The following ASB10 variants were observed in gnomAD, a reference collection of about 807,000 sequenced individuals.
ASB10 encodes the protein ankyrin repeat and SOCS box containing 10, also known as ankyrin repeat and SOCS box protein 10.
ASB10 carries 44 observed loss-of-function variants against 35.4 expected under a neutral mutation model. The ratio of observed to expected loss-of-function variants is 1.24; its 90% CI spans 0.98 to 1.60. The LOEUF is 1.60. ASB10 is among the 40% of genes most tolerant of loss of function. The probability of loss-of-function intolerance (pLI) is 0.00; values close to 1 mark genes in which losing one functional copy is unlikely to be tolerated. For missense variants in ASB10, 647 were observed against 634.3 expected (o/e 1.02, Z -0.22); for synonymous variants, 294 against 280.4 (o/e 1.05, Z -0.49).
Position 151,184,179 on chromosome 7 carries a change from C to T in ASB10, c.584+2213G>A, listed in dbSNP as rs552218422. 1.2e-3 allele frequency among the ~76,000 whole-genome samples: 178 copies of T among 151,866 alleles called. 1 individual carries two copies. Among genetic ancestry groups the T allele is most frequent in the Non-Finnish European group, 2.0e-3 (138 of 67,916 alleles). ...CTGTAATCCCAGCACTTTGGGAGGC[C>T]GAGGTGGGTGGATCACAAGGTCAGG... On this transcript the variant is annotated intron_variant, in intron 2 of 5. Transcript: ENST00000420175.
chr7:151,184,910 T>C (rs1029706541), intron 2 of ASB10, among the ~76,000 whole-genome samples: 2 of 151,662 alleles, frequency 1.3e-5, no homozygotes, highest in Admixed American at 1.3e-4. Context: ...TAGTCCCAGC[T>C]ACTCGCGAGG....
chr7:151,186,895 G>C lies in ASB10; in HGVS notation c.236C>G (p.Thr79Ser), dbSNP rs1379941383. ...AAAGACGGAATCAGGAGCCAGGCCA[G>C]TACTGGAGTCCGCGAGGATGCGGGA... Reference protein sequence around the residue: ...CVSRILADSSTGLAPDSVFDT... With the variant: ...CVSRILADSSSGLAPDSVFDT... The change falls in exon 1 of 6, where the codon ACT (threonine) becomes AGT (serine). Residue 79 changes from threonine to serine, a missense_variant. Physicochemically the swap from Thr to Ser is moderately conservative, Grantham distance 58. Transcript: ENST00000420175. 2 of 1,614,060 alleles carry C rather than the reference G, an allele frequency of 1.2e-6. No individual in the cohort carries two copies. The highest frequency in any genetic ancestry group is 2.2e-5 in the East Asian group (1 of 44,882).
At position 151,181,135 on chromosome 7, in the gene ASB10, C is replaced by A. The variant is rs104886479; in HGVS notation, c.908G>T (p.Arg303Leu). 6.2e-6 allele frequency: 10 copies of A among 1,611,602 alleles called. No homozygotes were observed. The highest frequency in any genetic ancestry group is 7.6e-6 in the Non-Finnish European group (9 of 1,179,210). The change falls in exon 3 of 6, where the codon CGC becomes CTC. Residue 303 changes from arginine (R) to leucine (L), a missense_variant. Arg to Leu is a moderately radical substitution (Grantham distance 102). Coordinates refer to ENST00000420175, the MANE Select transcript of ASB10 (RefSeq NM_001142459.2). ...DKQRPLHLAC[R>L]RGHAAVVELL... is the part of the protein sequence containing the mutation. ...CTCCACGACAGCTGCATGGCCACGGCGGCAGGCCAGGTGCAGGGGTCGCTG... is the reference window on the plus strand; with the variant it reads ...CTCCACGACAGCTGCATGGCCACGGAGGCAGGCCAGGTGCAGGGGTCGCTG...
intron 2 of ASB10, among the ~76,000 whole-genome samples, chr7:151,185,679 T>G (rs1042677433): frequency 6.6e-6 from 1 of 152,178 alleles, no homozygotes; most frequent in Non-Finnish European, 1.5e-5. Context: ...AGGGCCTCTA[T>G]AGGATGTAGA....
intron 3 of ASB10, among the ~76,000 whole-genome samples, chr7:151,179,312 T>C (rs1801445653): frequency 6.6e-6 from 1 of 152,214 alleles, no homozygotes; most frequent in Non-Finnish European, 1.5e-5. Flanking sequence ...CTCCAGAGCC[T>C]ACACTCCTAG....
Position 151,175,979 on chromosome 7 carries a change from G to A in ASB10, c.*1-13C>T. On this transcript the variant is annotated splice_polypyrimidine_tract_variant and intron_variant, in intron 5 of 5. Coordinates refer to ENST00000420175, the MANE Select transcript of ASB10 (RefSeq NM_001142459.2). ...AGGCCATGGACATCTGGAAGGAGAGGTTTGGATTCAGAGGCTTCTGGTGGT... is the reference window on the plus strand; with the variant it reads ...AGGCCATGGACATCTGGAAGGAGAGATTTGGATTCAGAGGCTTCTGGTGGT... 1 of 1,159,622 alleles carries A rather than the reference G, an allele frequency of 8.6e-7. No homozygotes were observed. The highest frequency in any genetic ancestry group is 1.2e-6 in the Non-Finnish European group (1 of 848,750). The allele number at this position is 1,159,622 out of a possible 1,614,324, so 71.8% of individuals were successfully genotyped here.
Position 151,176,111 on chromosome 7 carries a change from C to T in ASB10, c.*1G>A. 6.2e-7 allele frequency: 1 copy of T among 1,610,942 alleles called. No homozygotes were observed. The highest frequency in any genetic ancestry group is 8.5e-7 in the Non-Finnish European group (1 of 1,179,634). ...GACTGCTCACAGATCCCGGGGCTCA[C>T]CTAGTAGAGCACGCCCTCAAAATCC... On this transcript the variant is annotated splice_donor_variant, in intron 5 of 5. Coordinates refer to ENST00000420175, the MANE Select transcript of ASB10 (RefSeq NM_001142459.2). LOFTEE classifies it low-confidence loss of function (3UTR_SPLICE).
In ASB10 at chr7:151,187,088, C is replaced by T. The variant is rs150732144; in HGVS notation, c.43G>A (p.Glu15Lys). ...WSPEECKGQG[E>K]PLDDRHPLCA... is the part of the protein sequence containing the mutation. ...AGGGGGTGTCTGTCATCGAGGGGCT[C>T]TCCCTGCCCCTTGCACTCTTCTGGA... The change falls in exon 1 of 6, where the codon GAG (glutamate) becomes AAG (lysine). Residue 15 changes from glutamate (E) to lysine (K), a missense_variant. Physicochemically the swap from Glu to Lys is moderately conservative, Grantham distance 56. Transcript: ENST00000420175. This position sits in a 1 kb window ranked among gnomAD's most constrained non-coding sequence, Gnocchi z 5.3. 8.1e-6 allele frequency: 13 copies of T among 1,603,320 alleles called. No homozygotes were observed. In the African/African-American group the frequency reaches 1.6e-4, roughly 20 times the overall value.
chr7:151,178,911 C>A (rs2435611), intron 3 of ASB10, among the ~76,000 whole-genome samples: 9,841 of 152,184 alleles, frequency 0.065, 644 homozygotes, highest in African/African-American at 0.16. Context: ...TCCTTCCTGG[C>A]CCATGTTGAT....
At chr7:151,187,711 TC>T (rs971727223), upstream of ASB10, 5 of 1,470,372 alleles carry the variant, frequency 3.4e-6, no homozygotes, top group African/African-American at 7.1e-5. This position sits in a 1 kb window ranked among gnomAD's most constrained non-coding sequence, Gnocchi z 5.3. Flanking sequence ...AGGAGTTCTT[TC>T]CCCAGGGCAT....
intron 3 of ASB10, among the ~76,000 whole-genome samples, chr7:151,180,301 T>C (rs908911203): frequency 6.6e-6 from 1 of 152,226 alleles, no homozygotes; most frequent in Admixed American, 6.5e-5. Flanking sequence ...AAGTAGGATA[T>C]AAATTGAAAT....
At position 151,181,040 on chromosome 7, in the gene ASB10, G is replaced by A; in HGVS notation, c.1003C>T (p.Leu335=). 1 of 1,611,016 alleles carries A rather than the reference G, an allele frequency of 6.2e-7. No homozygotes were observed. Among genetic ancestry groups the A allele is most frequent in the Non-Finnish European group, 8.5e-7 (1 of 1,178,800 alleles). Residue 335 remains leucine (L), a synonymous_variant, in exon 3 of 6, where the codon CTG becomes TTG. Coordinates refer to ENST00000420175, the MANE Select transcript of ASB10 (RefSeq NM_001142459.2). ...GCCAGGGCTGCAGCTGGGCCCTGCAGAGCACAGTGCAGGGGCGTGTGTCCC... is the reference window on the plus strand; with the variant it reads ...GCCAGGGCTGCAGCTGGGCCCTGCAAAGCACAGTGCAGGGGCGTGTGTCCC... The part of the protein sequence containing the change: ...YGGHTPLHCA[L]QGPAAALAQS...
At position 151,186,326 on chromosome 7, in the gene ASB10, T is replaced by A. The variant is rs1801588965; in HGVS notation, c.584+66A>T. ...AGGTCCCTGACATTTTCCCCCATCC[T>A]CCCTGAGAAGGCCTCTTTGCTTCCC... is the stretch of plus-strand genomic sequence containing the variant. On this transcript the variant is annotated intron_variant, in intron 2 of 5. Transcript: ENST00000420175. The A allele has an allele frequency of 3.4e-6, 5 of 1,491,818 alleles. No homozygotes were observed. In the South Asian group the frequency reaches 6.7e-5, roughly 20 times the overall value. The allele number at this position is 1,491,818 out of a possible 1,614,324, so 92.4% of individuals were successfully genotyped here.
intron 3 of ASB10, among the ~76,000 whole-genome samples, chr7:151,179,399 G>T (rs573936614): frequency 1.3e-5 from 2 of 152,362 alleles, no homozygotes; most frequent in South Asian, 4.1e-4. Context: ...GCAGTGCCTG[G>T]TGTGTAGTCA....
rs1421456010 is a variant in ASB10 at position 151,176,558 on chromosome 7, C to G, written c.1218+5G>C. 2 of 1,549,514 alleles carry G rather than the reference C, an allele frequency of 1.3e-6. No homozygotes were observed. The highest frequency in any genetic ancestry group is 2.4e-5 in the East Asian group (1 of 40,884). On this transcript the variant is annotated splice_donor_5th_base_variant and intron_variant, in intron 4 of 5. Transcript: ENST00000420175. ...AGCTCTATGTTCAGGGCCTTGGAAT[C>G]TGACCTGCAGAGTTTCAGGAGTCAC... is the stretch of plus-strand genomic sequence containing the variant.
rs151344612 is a variant in ASB10, at chr7:151,180,964, C to T, written c.1079G>A (p.Arg360His). 339 of 1,562,996 alleles carry T rather than the reference C, an allele frequency of 2.2e-4. No homozygotes were observed. Among genetic ancestry groups the T allele is most frequent in the Non-Finnish European group, 2.5e-4 (293 of 1,149,480 alleles). The change falls in exon 3 of 6, where the codon CGT becomes CAT. Residue 360 changes from arginine to histidine, a missense_variant. By Grantham distance (29) the Arg-to-His change is conservative. Transcript: ENST00000420175. ...VRALLNHGAVRVWPGALPKVL... is the reference protein window; with the variant it reads ...VRALLNHGAVHVWPGALPKVL... Reference sequence around the variant, plus strand: ...CTTGGGGAGGGCCCCTGGCCAGACACGGACGGCGCCATGGTTGAGCAGAGC... The same window carrying T: ...CTTGGGGAGGGCCCCTGGCCAGACATGGACGGCGCCATGGTTGAGCAGAGC...
chr7:151,186,286 G>A, intron 2 of ASB10, 106 bp downstream of exon 2: 1 of 1,384,266 alleles, frequency 7.2e-7, no homozygotes, highest in Non-Finnish European at 9.7e-7. Context: ...CCCCAAGCCT[G>A]GACTGCTCTG....
At chr7:151,183,434 G>A (rs556943687) in intron 2 of ASB10, among the ~76,000 whole-genome samples, 3 of 152,086 alleles carry the variant, frequency 2.0e-5, no homozygotes, top group Non-Finnish European at 4.4e-5. Context: ...TTGAGATAAG[G>A]TCTCTCTCTG....
rs10275219 is a variant in ASB10 at position 151,186,734 on chromosome 7, G to A, written c.317-75C>T. The A allele has an allele frequency of 0.067, 102,468 of 1,537,590 alleles. 5,768 individuals are homozygous for A. Among genetic ancestry groups the A allele is most frequent in the East Asian group, 0.27 (11,848 of 43,578 alleles). ...TCCAGCCAATGGGGTGAGGTGGGCA[G>A]AGGCAGGAAGAGGGAGCCCAGAGCT... On this transcript the variant is annotated intron_variant, in intron 1 of 5. Coordinates refer to ENST00000420175, the MANE Select transcript of ASB10 (RefSeq NM_001142459.2).
Sources: gnomAD v4.1 joint callset for allele counts (sites outside exome capture counted in the v4.1 genomes callset) on GRCh38, gnomAD v4.1.1 for gene constraint, Gnocchi (gnomAD v3.1) non-coding constraint, MANE v1.5 for transcripts, NCBI Gene and HGNC (gene_info 2026-07-23, HGNC 2026-07-21) for gene names.